Variants in RBCK1 observed in about 807,000 individuals in gnomAD.
RBCK1 encodes ranBP-type and C3HC4-type zinc finger-containing protein 1.
In RBCK1, 44 loss-of-function variants were observed where a neutral mutation model predicts 71.1. The ratio of observed to expected loss-of-function variants is 0.62; its 90% CI spans 0.49 to 0.80. The LOEUF (loss-of-function observed/expected upper bound fraction) is 0.80. Among genes scored for constraint, RBCK1 ranks in the 30% least tolerant of loss-of-function variants. The pLI is 0.00. For synonymous variants in RBCK1, 306 were observed against 279.7 expected (o/e 1.09, Z -0.94); for missense variants, 569 against 685.0 (o/e 0.83, Z 1.89).
At chr20:421,207 C>G (rs1016641855) in intron 7 of RBCK1, among the ~76,000 whole-genome samples, 176 bp downstream of exon 7, 2 of 152,198 alleles carry the variant, frequency 1.3e-5, no homozygotes, top group Admixed American at 1.3e-4. Flanking sequence ...AAGAGAGGCC[C>G]AGCGCCTTAC....
chr20:419,608 T>G lies in RBCK1; in HGVS notation c.633T>G (p.Pro211=). 2 of 1,599,152 alleles carry G rather than the reference T, an allele frequency of 1.3e-6. No homozygotes were observed. The highest frequency in any genetic ancestry group is 1.7e-6 in the Non-Finnish European group (2 of 1,173,704). ...CCTTCATCAACAAGCCCACGCGGCCTGGCTGTGAGATGTGCTGCCGGGCGC... is the reference window on the plus strand; with the variant it reads ...CCTTCATCAACAAGCCCACGCGGCCGGGCTGTGAGATGTGCTGCCGGGCGC... ...GCTFINKPTR[P]GCEMCCRARP... Residue 211 remains proline, a synonymous_variant, in exon 6 of 12, where the codon CCT becomes CCG. Transcript: ENST00000356286.
At chr20:416,393 C>T (rs1014135682) in intron 2 of RBCK1, among the ~76,000 whole-genome samples, 5 of 151,958 alleles carry the variant, frequency 3.3e-5, no homozygotes, top group African/African-American at 1.2e-4. Context: ...ATCTCCTGAC[C>T]TCGTGATCCA....
chr20:424,576 A>G (rs1321910943), intron 8 of RBCK1, among the ~76,000 whole-genome samples: 2 of 152,090 alleles, frequency 1.3e-5, no homozygotes, highest in Non-Finnish European at 2.9e-5. Context: ...CACAGCTCTG[A>G]TATCAGGAGC....
rs755329454 is a variant in RBCK1 at position 430,119 on chromosome 20, A to G, written c.1453-231A>G. On this transcript the variant is annotated intron_variant, in intron 11 of 11. Coordinates refer to ENST00000356286, the MANE Select transcript of RBCK1 (RefSeq NM_031229.4). This position sits in a 1 kb window ranked among gnomAD's most constrained non-coding sequence, Gnocchi z 5.6. ...GCATGCTGACATGTCTAGAATATGC[A>G]GAGTGGTCAGATCCTCTCCCTGGCC... is the stretch of plus-strand genomic sequence containing the variant. Among the ~76,000 whole-genome samples, 10 of 152,358 alleles carry G rather than the reference A, an allele frequency of 6.6e-5. No homozygotes were observed. Among genetic ancestry groups the G allele is most frequent in the East Asian group, 5.8e-4 (3 of 5,190 alleles).
chr20:408,771 C>A lies in RBCK1; in HGVS notation c.14C>A (p.Thr5Asn). The A allele has an allele frequency of 1.2e-6, 2 of 1,611,928 alleles. No individual in the cohort carries two copies. The highest frequency in any genetic ancestry group is 2.2e-5 in the South Asian group (2 of 90,682). Residue 5 changes from threonine (T) to asparagine (N), a missense_variant, in exon 1 of 12, where the codon ACC (threonine) becomes AAC (asparagine). By Grantham distance (65) the Thr-to-Asn change is moderately conservative (BLOSUM62 0). Around this residue, in one of 2 missense-constraint regions of RBCK1, gnomAD observed 358 missense variants for 375.6 expected, o/e 0.95. Transcript: ENST00000356286. MDEKTKKAEEMALSL... is the reference protein window; with the variant it reads MDEKNKKAEEMALSL... The stretch of plus-strand genomic sequence containing the variant: ...CAGCCACGCCAGATGGACGAGAAGA[C>A]CAAGAAAGGTGGGCACAGGCTGGAG...
chr20:416,647 T>C (rs545301043), intron 2 of RBCK1, among the ~76,000 whole-genome samples: 5 of 152,290 alleles, frequency 3.3e-5, no homozygotes, highest in Non-Finnish European at 7.4e-5. Context: ...TCCAAACATG[T>C]TGGAGGATCC....
In RBCK1 at chr20:408,743, G is replaced by A. The variant is rs549633848; in HGVS notation, c.-15G>A. 2 of 1,612,368 alleles carry A rather than the reference G, an allele frequency of 1.2e-6. No homozygotes were observed. Among genetic ancestry groups the A allele is most frequent in the African/African-American group, 2.7e-5 (2 of 75,038 alleles). ...GGCACGGTCCCCCCCAGGGGGATGGGCACAGCCACGCCAGATGGACGAGAA... is the reference window on the plus strand; with the variant it reads ...GGCACGGTCCCCCCCAGGGGGATGGACACAGCCACGCCAGATGGACGAGAA... On this transcript the variant is annotated 5_prime_UTR_variant, in exon 1 of 12. Coordinates refer to ENST00000356286, the MANE Select transcript of RBCK1 (RefSeq NM_031229.4).
Position 429,012 on chromosome 20 carries a change from AGGAC to A in RBCK1, c.1373_1376del (p.Asp458AlafsTer39), listed in dbSNP as rs2016880803. The A allele has an allele frequency of 6.2e-7, 1 of 1,612,254 alleles. No homozygotes were observed. The highest frequency in any genetic ancestry group is 1.3e-5 in the African/African-American group (1 of 74,894). On this transcript the variant is annotated frameshift_variant, in exon 11 of 12. Coordinates refer to ENST00000356286, the MANE Select transcript of RBCK1 (RefSeq NM_031229.4). LOFTEE classifies it high-confidence loss of function. ...CAGTGCCAGATCGTGGTACAGAAGA[AGGAC>A]GGCTGCGACTGGATCCGCTGCACCG...
At position 428,717 on chromosome 20, in the gene RBCK1, T is replaced by C. The variant is rs1312866600; in HGVS notation, c.1308+128T>C. 8.1e-6 allele frequency: 11 copies of C among 1,363,044 alleles called. No individual in the cohort carries two copies. 84.4% of individuals were successfully genotyped at this position (1,363,044 alleles called of 1,614,324 possible). On this transcript the variant is annotated intron_variant, in intron 10 of 11. Coordinates refer to ENST00000356286, the MANE Select transcript of RBCK1 (RefSeq NM_031229.4). The surrounding 1 kb of genome is among the most constrained non-coding windows in gnomAD (Gnocchi z 5.7). The stretch of plus-strand genomic sequence containing the variant: ...CTCTGACCTCCCTTCTGGCTGTCAC[T>C]CCCATCCGGAGGTGGGACTTAGGCC...
chr20:421,013 GTC>G lies in RBCK1; in HGVS notation c.901_902del (p.Leu301AlafsTer26). 2 of 1,565,308 alleles carry G rather than the reference GTC, an allele frequency of 1.3e-6. No individual in the cohort carries two copies. Among genetic ancestry groups the G allele is most frequent in the Non-Finnish European group, 1.7e-6 (2 of 1,155,778 alleles). On this transcript the variant is annotated frameshift_variant, in exon 7 of 12. Transcript: ENST00000356286. LOFTEE classifies it high-confidence loss of function. ...GGCGAGGCCGTGGTGCTGCGTGAGTGTCTGCACACCTTCTGCAGGTGCGGCCC... is the reference window on the plus strand; with the variant it reads ...GGCGAGGCCGTGGTGCTGCGTGAGTGTGCACACCTTCTGCAGGTGCGGCCC...
rs776804827 is a variant in RBCK1 at position 420,835 on chromosome 20, C to G, written c.757-36C>G. On this transcript the variant is annotated intron_variant, in intron 6 of 11. Transcript: ENST00000356286. ...TCGGGGTCTGACCCGCCCCCGAGGCCCTGACCCGCCCCGTGGCCCCGCCCC... is the reference window on the plus strand; with the variant it reads ...TCGGGGTCTGACCCGCCCCCGAGGCGCTGACCCGCCCCGTGGCCCCGCCCC... 27 of 1,534,824 alleles carry G rather than the reference C, an allele frequency of 1.8e-5. No homozygotes were observed. The South Asian group carries it at 3.0e-4, about 17-fold the overall frequency.
At position 408,851 on chromosome 20, in the gene RBCK1, T is replaced by G. The variant is rs1363954251; in HGVS notation, c.22+72T>G. The G allele has an allele frequency of 4.5e-6, 7 of 1,550,588 alleles. No homozygotes were observed. In the African/African-American group the frequency reaches 8.2e-5, roughly 18 times the overall value. Reference sequence around the variant, plus strand: ...GCCCCGCAGGACCTGGCCTTGCCCCTGGCCAGAAGGGCCTTGGAGAGGGGG... The same window carrying G: ...GCCCCGCAGGACCTGGCCTTGCCCCGGGCCAGAAGGGCCTTGGAGAGGGGG... On this transcript the variant is annotated intron_variant, in intron 1 of 11. Transcript: ENST00000356286.
chr20:418,203 C>T (rs1475994916), intron 4 of RBCK1, among the ~76,000 whole-genome samples: 2 of 152,198 alleles, frequency 1.3e-5, no homozygotes, highest in Non-Finnish European at 2.9e-5. Context: ...ATCTGCTGCC[C>T]AGTTTGCTAA....
chr20:411,519 C>A (rs1324107571), intron 2 of RBCK1, among the ~76,000 whole-genome samples: 1 of 152,194 alleles, frequency 6.6e-6, no homozygotes, highest in Non-Finnish European at 1.5e-5. Context: ...AGGCGCCCGC[C>A]ACCACGCCCA....
intron 2 of RBCK1, chr20:410,506 A>C: frequency 1.3e-6 from 1 of 779,804 alleles, no homozygotes; most frequent in Non-Finnish European, 2.4e-6. Flanking sequence ...TCTTCTAAAG[A>C]GCATAGCTCA....
At position 431,234 on chromosome 20, in the gene RBCK1, A is replaced by AG. The variant is rs1463967725; in HGVS notation, c.*808dup. 2.6e-5 allele frequency among the ~76,000 whole-genome samples: 4 copies of AG among 152,196 alleles called. No individual in the cohort carries two copies. The highest frequency in any genetic ancestry group is 4.4e-5 in the Non-Finnish European group (3 of 67,984). On this transcript the variant is annotated 3_prime_UTR_variant, in exon 12 of 12. Coordinates refer to ENST00000356286, the MANE Select transcript of RBCK1 (RefSeq NM_031229.4). The surrounding 1 kb of genome is among the most constrained non-coding windows in gnomAD (Gnocchi z 4.8). The stretch of plus-strand genomic sequence containing the variant: ...CAAGTCTGCAGAGAAGGATGGGCTT[A>AG]GGGGCGGGAGGGGAAGTCTTGCCAC...
At chr20:410,353 T>C in intron 2 of RBCK1, 2 of 761,210 alleles carry the variant, frequency 2.6e-6, no homozygotes. Flanking sequence ...GAGGTTCTGC[T>C]CCCGACAGTC....
rs1470181258 is a variant in RBCK1 at position 417,323 on chromosome 20, C to G, written c.168-203C>G. ...AGTTGATTCTAAGAGTAGCGTGGAG[C>G]CATTGGAGGGGCCTAACTGGTGGGT... On this transcript the variant is annotated intron_variant, in intron 2 of 11. Coordinates refer to ENST00000356286, the MANE Select transcript of RBCK1 (RefSeq NM_031229.4). The surrounding 1 kb of genome is among the most constrained non-coding windows in gnomAD (Gnocchi z 4.7). The G allele has an allele frequency of 1.4e-6, 1 of 725,412 alleles. No individual in the cohort carries two copies. The highest frequency in any genetic ancestry group is 1.9e-5 in the Admixed American group (1 of 53,698). The allele number at this position is 725,412 out of a possible 1,614,324, so 44.9% of individuals were successfully genotyped here.
In RBCK1 at chr20:417,664, T is replaced by C; in HGVS notation, c.261+45T>C. On this transcript the variant is annotated intron_variant, in intron 3 of 11. Coordinates refer to ENST00000356286, the MANE Select transcript of RBCK1 (RefSeq NM_031229.4). The surrounding 1 kb of genome is among the most constrained non-coding windows in gnomAD (Gnocchi z 4.7). Reference sequence around the variant, plus strand: ...GCGACACTGGGGTGAAGGCTCTCCCTTTCACTCCTGCTTCCTCTCTCTCCT... The same window carrying C: ...GCGACACTGGGGTGAAGGCTCTCCCCTTCACTCCTGCTTCCTCTCTCTCCT... 1.2e-6 allele frequency: 2 copies of C among 1,604,338 alleles called. No individual in the cohort carries two copies. Among genetic ancestry groups the C allele is most frequent in the South Asian group, 1.1e-5 (1 of 90,876 alleles).
Sources: allele counts gnomAD v4.1 joint callset (sites outside exome capture counted in the v4.1 genomes callset), GRCh38; gene constraint gnomAD v4.1.1; regional missense constraint gnomAD v4.1.1; non-coding constraint Gnocchi (gnomAD v3.1); transcripts MANE v1.5; gene names NCBI Gene and HGNC (gene_info 2026-07-23, HGNC 2026-07-21).